EML1: variants seen among roughly 807,000 people sequenced by gnomAD.
EML1 encodes EMAP like 1.
Under a neutral mutation model 110.4 loss-of-function variants are expected in EML1, and 27 were observed. That is an observed-to-expected ratio of 0.24 (90% CI 0.18 to 0.34). The LOEUF is 0.34. EML1 is among the 10% of genes least tolerant of loss of function. The probability of loss-of-function intolerance (pLI) is 1.00; values close to 1 mark genes in which losing one functional copy is unlikely to be tolerated. For missense variants in EML1, 741 were observed against 1,030.9 expected (o/e 0.72, Z 3.85); for synonymous variants, 344 against 385.8 (o/e 0.89, Z 1.27).
chr14:99,853,933 A>C (rs1047373442), intron 2 of EML1, among the ~76,000 whole-genome samples: 21 of 152,154 alleles, frequency 1.4e-4, no homozygotes, highest in African/African-American at 4.6e-4. Context: ...GGCCTCCCAA[A>C]GTGCTGGGAT....
At chr14:99,758,346 T>C (rs1301120541) in intron 1 of EML1, among the ~76,000 whole-genome samples, 1 of 152,184 alleles carries the variant, frequency 6.6e-6, no homozygotes, top group Non-Finnish European at 1.5e-5. Flanking sequence ...GGGCTTTTTC[T>C]GGAGTTCTGC....
At chr14:99,750,175 C>A (rs562917169) in intron 1 of EML1, among the ~76,000 whole-genome samples, 2 of 152,362 alleles carry the variant, frequency 1.3e-5, no homozygotes, top group East Asian at 3.9e-4. Context: ...TCTCTAACAG[C>A]AGGCTCACTA....
At chr14:99,819,230 C>T (rs1482410534) in intron 1 of EML1, among the ~76,000 whole-genome samples, 1 of 152,166 alleles carries the variant, frequency 6.6e-6, no homozygotes, top group African/African-American at 2.4e-5. Flanking sequence ...GTGGGGACTA[C>T]AGGCATGAGC....
intron 5 of EML1, among the ~76,000 whole-genome samples, chr14:99,893,702 A>C (rs2059626181): frequency 6.6e-6 from 1 of 152,224 alleles, no homozygotes; most frequent in Admixed American, 6.5e-5. Flanking sequence ...AGTTGTGTAC[A>C]GGTATCCCTG....
In EML1 at chr14:99,865,476, G is replaced by C. The variant is rs1355963273; in HGVS notation, c.251-38G>C. ...TGCTGTAAAATGTTACCTTTGCAAA[G>C]GGGAACTTTCTGATATTATTTTCTG... On this transcript the variant is annotated intron_variant, in intron 2 of 21. Transcript: ENST00000262233. The C allele has an allele frequency of 7.4e-6, 12 of 1,611,760 alleles. 2 individuals carry two copies. The highest frequency in any genetic ancestry group is 6.7e-5 in the African/African-American group (5 of 74,804).
intron 4 of EML1, among the ~76,000 whole-genome samples, chr14:99,890,382 A>T (rs1201881234): frequency 1.3e-5 from 2 of 152,172 alleles, no homozygotes; most frequent in African/African-American, 4.8e-5. Flanking sequence ...CCCTGTCTGG[A>T]ATGGAGACGG....
chr14:99,857,404 T>A (rs1231382908), intron 2 of EML1, among the ~76,000 whole-genome samples: 2 of 152,232 alleles, frequency 1.3e-5, no homozygotes, highest in Non-Finnish European at 2.9e-5. Flanking sequence ...GTCCAATGAA[T>A]GACTTTTTAA....
At chr14:99,933,068 C>T (rs1470758644) in intron 17 of EML1, among the ~76,000 whole-genome samples, 1 of 151,978 alleles carries the variant, frequency 6.6e-6, no homozygotes, top group Non-Finnish European at 1.5e-5. Context: ...GATTGTACTA[C>T]TGCACTTCAG....
chr14:99,935,760 C>G (rs145676769), intron 17 of EML1, among the ~76,000 whole-genome samples: 1 of 125,768 alleles, frequency 8.0e-6, no homozygotes, highest in Non-Finnish European at 1.5e-5. Flanking sequence ...TCCGGCCTGG[C>G]GACAGAGCGA....
At chr14:99,750,687 A>G (rs976282405) in intron 1 of EML1, among the ~76,000 whole-genome samples, 2 of 152,012 alleles carry the variant, frequency 1.3e-5, no homozygotes, top group Non-Finnish European at 2.9e-5. Context: ...TATTCCATGG[A>G]TGTGGCCTCC....
At chr14:99,804,648 T>C (rs952942728) in intron 1 of EML1, among the ~76,000 whole-genome samples, 4 of 152,172 alleles carry the variant, frequency 2.6e-5, no homozygotes, top group African/African-American at 9.7e-5. Context: ...TGAAAGGGAC[T>C]TAGGAGATTG....
intron 17 of EML1, among the ~76,000 whole-genome samples, chr14:99,925,953 T>C (rs1212025942): frequency 6.6e-6 from 1 of 152,176 alleles, no homozygotes; most frequent in Non-Finnish European, 1.5e-5. Context: ...GGGCTCCATA[T>C]GGAGTGAGCC....
intron 17 of EML1, among the ~76,000 whole-genome samples, chr14:99,927,384 C>G (rs1211284854): frequency 2.6e-5 from 4 of 152,136 alleles, no homozygotes; most frequent in Non-Finnish European, 4.4e-5. Flanking sequence ...CCTCTGTCCC[C>G]TGTATTTCCC....
In EML1 at chr14:99,940,137, A is replaced by G. The variant is rs2060563552; in HGVS notation, c.*25A>G. 6.6e-7 allele frequency: 1 copy of G among 1,508,428 alleles called. No individual in the cohort carries two copies. Among genetic ancestry groups the G allele is most frequent in the Admixed American group, 2.4e-5 (1 of 42,386 alleles). 93.4% of individuals were successfully genotyped at this position (1,508,428 alleles called of 1,614,324 possible). A position where few individuals can be genotyped will look rare whatever the true frequency, so the allele number is the denominator to read the frequency against. On this transcript the variant is annotated 3_prime_UTR_variant, in exon 22 of 22. Transcript: ENST00000262233. ...GTACCCACCGAGAGCTGTGGGGAGC[A>G]GCATGGGCAAGGAAGACACAGACTC...
chr14:99,861,411 G>A (rs993242185), intron 2 of EML1, among the ~76,000 whole-genome samples: 2 of 152,192 alleles, frequency 1.3e-5, no homozygotes, highest in Admixed American at 6.5e-5. Context: ...ATAATACACA[G>A]TTTTGTTGTT....
At chr14:99,906,175 C>T (rs2059843003) in intron 9 of EML1, among the ~76,000 whole-genome samples, 3 of 152,164 alleles carry the variant, frequency 2.0e-5, no homozygotes, top group Admixed American at 6.5e-5. Flanking sequence ...TCAGTGTCAT[C>T]GCTTCATGGT....
chr14:99,820,033 G>A (rs2058236357), intron 1 of EML1, among the ~76,000 whole-genome samples: 2 of 152,164 alleles, frequency 1.3e-5, no homozygotes, highest in South Asian at 4.1e-4. Context: ...GGGCCTGGGG[G>A]GTTCCAATGG....
intron 1 of EML1, among the ~76,000 whole-genome samples, chr14:99,765,954 T>A (rs1191887287): frequency 1.3e-5 from 2 of 152,120 alleles, no homozygotes; most frequent in Non-Finnish European, 2.9e-5. Flanking sequence ...CCACATTTTA[T>A]TTACTACTTA....
chr14:99,831,784 A>G, intron 1 of EML1, among the ~76,000 whole-genome samples: 1 of 151,796 alleles, frequency 6.6e-6, no homozygotes, highest in East Asian at 1.9e-4. Flanking sequence ...GCAGTTGAGT[A>G]GGTTTGCTGA....
Sources: gnomAD v4.1 joint callset for allele counts (sites outside exome capture counted in the v4.1 genomes callset) on GRCh38, gnomAD v4.1.1 for gene constraint, MANE v1.5 for transcripts, NCBI Gene and HGNC (gene_info 2026-07-23, HGNC 2026-07-21) for gene names.